The following OSBPL10 variants were observed in gnomAD, a reference collection of about 807,000 sequenced individuals.
OSBPL10 encodes oxysterol-binding protein-related protein 10.
Under a neutral mutation model 81.7 loss-of-function variants are expected in OSBPL10, and 49 were observed. That is an observed-to-expected ratio of 0.60 (90% CI 0.48 to 0.76). OSBPL10 has a LOEUF of 0.76. OSBPL10 is among the 30% of genes least tolerant of loss of function. The probability of loss-of-function intolerance (pLI) is 0.00; values close to 1 mark genes in which losing one functional copy is unlikely to be tolerated. For synonymous variants in OSBPL10, 419 were observed against 383.6 expected (o/e 1.09, Z -1.08); for missense variants, 923 against 987.8 (o/e 0.93, Z 0.88).
At chr3:31,955,133 G>A (rs1260760594) in intron 1 of OSBPL10, among the ~76,000 whole-genome samples, 1 of 152,214 alleles carries the variant, frequency 6.6e-6, no homozygotes, top group Non-Finnish European at 1.5e-5. Flanking sequence ...CATCCACTGG[G>A]GTTTAATGCA....
chr3:31,876,236 G>A (rs992489840), intron 3 of OSBPL10, among the ~76,000 whole-genome samples, 197 bp downstream of exon 3: 1 of 152,176 alleles, frequency 6.6e-6, no homozygotes, highest in South Asian at 2.1e-4. Flanking sequence ...CTGCGTGCCT[G>A]CGTATTCTAC....
At chr3:31,911,523 C>G (rs993159896) in intron 1 of OSBPL10, among the ~76,000 whole-genome samples, 5 of 151,742 alleles carry the variant, frequency 3.3e-5, no homozygotes, top group Admixed American at 3.3e-4. Context: ...GGTGTCCAAT[C>G]TTTTTACTTC....
intron 1 of OSBPL10, among the ~76,000 whole-genome samples, chr3:32,046,759 C>A (rs529079049): frequency 6.6e-6 from 1 of 152,342 alleles, no homozygotes; most frequent in African/African-American, 2.4e-5. Context: ...TACATGATTT[C>A]ATGTACTTCT....
intron 7 of OSBPL10, among the ~76,000 whole-genome samples, chr3:31,699,529 A>G (rs4955110): frequency 0.88 from 134,311 of 152,268 alleles, 59,764 homozygotes; most frequent in East Asian, 0.98. Context: ...GGGTGCTTCT[A>G]GAGGCAGGAC....
intron 2 of OSBPL10, among the ~76,000 whole-genome samples, chr3:32,007,828 TC>T (rs977777440): frequency 1.3e-5 from 2 of 152,040 alleles, no homozygotes; most frequent in Non-Finnish European, 2.9e-5. Flanking sequence ...TGCCTCAGCC[TC>T]CCGAGTAGCT....
At chr3:31,769,711 G>A (rs1253384189) in intron 4 of OSBPL10, among the ~76,000 whole-genome samples, 1 of 151,856 alleles carries the variant, frequency 6.6e-6, no homozygotes, top group African/African-American at 2.4e-5. Flanking sequence ...CGCCATATAG[G>A]CTGTCAGTTC....
At chr3:31,746,284 G>T (rs879322209) in intron 5 of OSBPL10, among the ~76,000 whole-genome samples, 1 of 152,280 alleles carries the variant, frequency 6.6e-6, no homozygotes, top group East Asian at 1.9e-4. Flanking sequence ...CGAGGTGAGT[G>T]GGGCACAGAG....
At chr3:31,774,017 C>A (rs1011497803) in intron 4 of OSBPL10, among the ~76,000 whole-genome samples, 2 of 152,082 alleles carry the variant, frequency 1.3e-5, no homozygotes, top group Non-Finnish European at 2.9e-5. Flanking sequence ...CAAAGATTAG[C>A]CGGGCGTGGT....
Position 31,944,281 on chromosome 3 carries a change from A to G in OSBPL10, c.281+36618T>C, listed in dbSNP as rs1192396745. On this transcript the variant is annotated intron_variant, in intron 1 of 11. Coordinates refer to ENST00000396556, the MANE Select transcript of OSBPL10 (RefSeq NM_017784.5). ...AAAAGTCATACCAATCTATATTTCT[A>G]CCAGCAAAAATAAGCAGCTTTTTTA... Among the ~76,000 whole-genome samples, 5 of 152,140 alleles carry G rather than the reference A, an allele frequency of 3.3e-5. No homozygotes were observed. The East Asian group carries it at 9.6e-4, about 29-fold the overall frequency.
chr3:31,916,230 A>G (rs1696754628), intron 1 of OSBPL10, among the ~76,000 whole-genome samples: 1 of 152,252 alleles, frequency 6.6e-6, no homozygotes, highest in South Asian at 2.1e-4. Context: ...ACATGGATGC[A>G]CTGATACTGG....
chr3:31,869,396 C>A (rs911649888), intron 3 of OSBPL10, among the ~76,000 whole-genome samples: 1 of 152,128 alleles, frequency 6.6e-6, no homozygotes, highest in East Asian at 1.9e-4. Flanking sequence ...TTTACGGGAA[C>A]CCCCCACCCC....
chr3:31,869,904 TC>T (rs1170761759), intron 3 of OSBPL10, among the ~76,000 whole-genome samples: 13 of 152,252 alleles, frequency 8.5e-5, no homozygotes, highest in South Asian at 2.1e-4. Flanking sequence ...ACAGGCCAGT[TC>T]CTGATTCATC....
At position 31,850,740 on chromosome 3, in the gene OSBPL10, C is replaced by A. The variant is rs191808915; in HGVS notation, c.538-20509G>T. On this transcript the variant is annotated intron_variant, in intron 3 of 11. Coordinates refer to ENST00000396556, the MANE Select transcript of OSBPL10 (RefSeq NM_017784.5). ...AATCACGATATTAATAGCTACTGAACCTGTCTTTGATTAAGCCTCTCCAAA... is the reference window on the plus strand; with the variant it reads ...AATCACGATATTAATAGCTACTGAAACTGTCTTTGATTAAGCCTCTCCAAA... 7.1e-4 allele frequency among the ~76,000 whole-genome samples: 108 copies of A among 152,312 alleles called. 1 individual carries two copies. In the Middle Eastern group the frequency reaches 0.01, roughly 14 times the overall value.
intron 2 of OSBPL10, chr3:31,988,592 G>C (rs529141326): frequency 5.9e-6 from 1 of 168,434 alleles, no homozygotes; most frequent in Non-Finnish European, 1.3e-5. Flanking sequence ...TATAAACAGG[G>C]GAGTGTTCAC....
In OSBPL10 at chr3:32,008,177, A is replaced by ATTT. The variant is rs58417694; in HGVS notation, n.298+38311_298+38313dup. 3.0e-3 allele frequency among the ~76,000 whole-genome samples: 423 copies of ATTT among 142,470 alleles called. 4 individuals are homozygous for ATTT. Among genetic ancestry groups the ATTT allele is most frequent in the African/African-American group, 0.01 (401 of 38,844 alleles). The allele number at this position is 142,470 out of a possible 152,430, so 93.5% of individuals were successfully genotyped here. On this transcript the variant is annotated intron_variant and non_coding_transcript_variant, in intron 2 of 3. Coordinates refer to the OSBPL10 transcript ENST00000479173. Reference sequence around the variant, plus strand: ...ATCCCTACAATGAAATGTTTTTATCATTTTTTTTTTTTTTGAGACAAGTCT... The same window carrying ATTT: ...ATCCCTACAATGAAATGTTTTTATCATTTTTTTTTTTTTTTTTGAGACAAGTCT...
At chr3:31,759,599 T>C (rs1405901023) in intron 4 of OSBPL10, among the ~76,000 whole-genome samples, 2 of 152,014 alleles carry the variant, frequency 1.3e-5, no homozygotes, top group East Asian at 3.9e-4. Context: ...CTTAAACAAC[T>C]TGAGGGCAGA....
intron 1 of OSBPL10, among the ~76,000 whole-genome samples, chr3:31,912,621 A>T (rs1313705070): frequency 6.6e-6 from 1 of 152,164 alleles, no homozygotes; most frequent in East Asian, 1.9e-4. Context: ...TGAAGCCTTG[A>T]AGTATTTTGA....
At chr3:31,937,875 CT>C (rs1338250124) in intron 1 of OSBPL10, among the ~76,000 whole-genome samples, 1 of 152,190 alleles carries the variant, frequency 6.6e-6, no homozygotes, top group Non-Finnish European at 1.5e-5. Context: ...ACCTTTTCCC[CT>C]GGTTCAGTCC....
At chr3:31,809,873 T>TTTTC (rs1321571391) in intron 4 of OSBPL10, among the ~76,000 whole-genome samples, 54 of 145,584 alleles carry the variant, frequency 3.7e-4, no homozygotes, top group Admixed American at 6.7e-4. Context: ...CTGACTCTTT[T>TTTTC]TTTTTTTTTT....
Sources: gnomAD v4.1 joint callset for allele counts (sites outside exome capture counted in the v4.1 genomes callset) on GRCh38, gnomAD v4.1.1 for gene constraint, MANE v1.5 for transcripts, NCBI Gene and HGNC (gene_info 2026-07-23, HGNC 2026-07-21) for gene names.